Variants in BNC2 observed in about 807,000 individuals in gnomAD.
The protein encoded by BNC2 is basonuclin zinc finger protein 2, also known as zinc finger protein basonuclin-2.
Under a neutral mutation model 76.3 loss-of-function variants are expected in BNC2, and 20 were observed. The observed-to-expected ratio is 0.26, with a 90% CI of 0.18 to 0.38. BNC2 has a LOEUF of 0.38. Ranked by LOEUF, BNC2 falls within the 10% of genes least tolerant of loss-of-function variation. The pLI, the probability that BNC2 is intolerant of heterozygous loss-of-function variation, is 1.00. For missense variants in BNC2, 1,382 were observed against 1,399.8 expected (o/e 0.99, Z 0.20); for synonymous variants, 582 against 514.8 (o/e 1.13, Z -1.77).
chr9:16,722,268 C>T (rs1824179521), intron 3 of BNC2, among the ~76,000 whole-genome samples: 1 of 152,162 alleles, frequency 6.6e-6, no homozygotes, highest in Admixed American at 6.5e-5. Context: ...ACTTCTGCCC[C>T]AACTTCTCAG....
chr9:16,636,949 T>C (rs1258817579), intron 3 of BNC2, among the ~76,000 whole-genome samples: 2 of 151,792 alleles, frequency 1.3e-5, no homozygotes, highest in African/African-American at 4.8e-5. Context: ...ATGTATTTTT[T>C]TTTTAAAGCT....
intron 5 of BNC2, among the ~76,000 whole-genome samples, chr9:16,514,425 G>C (rs938907017): frequency 1.3e-5 from 2 of 152,174 alleles, no homozygotes; most frequent in Non-Finnish European, 2.9e-5. Context: ...AGATCAGAAT[G>C]ATGAGCAAAA....
chr9:16,584,189 T>A (rs1025533455), intron 3 of BNC2, among the ~76,000 whole-genome samples: 18 of 152,006 alleles, frequency 1.2e-4, no homozygotes, highest in East Asian at 5.8e-4. Context: ...TTACTGATTC[T>A]GGGGTGGAGG....
chr9:16,433,576 C>A (rs952784422), intron 6 of BNC2, among the ~76,000 whole-genome samples: 1 of 152,184 alleles, frequency 6.6e-6, no homozygotes, highest in African/African-American at 2.4e-5. Context: ...TTCCTGCTAT[C>A]AATAAATGTT....
intron 3 of BNC2, among the ~76,000 whole-genome samples, chr9:16,640,796 G>T (rs1367477416): frequency 1.3e-5 from 2 of 152,068 alleles, no homozygotes; most frequent in Non-Finnish European, 2.9e-5. Flanking sequence ...GTCCAAACTG[G>T]GCATCAGAAC....
chr9:16,796,489 G>A (rs1429133149), intron 1 of BNC2, among the ~76,000 whole-genome samples: 1 of 151,716 alleles, frequency 6.6e-6, no homozygotes, highest in African/African-American at 2.4e-5. Context: ...GGAGAATGGT[G>A]TGAACCCAGG....
intron 4 of BNC2, among the ~76,000 whole-genome samples, chr9:16,573,058 T>A (rs1473883593): frequency 1.3e-5 from 2 of 151,526 alleles, no homozygotes; most frequent in Admixed American, 6.6e-5. Flanking sequence ...CGAAACCCTA[T>A]CTCTACAAAA....
In BNC2 at chr9:16,522,487, G is replaced by A. The variant is rs565938650; in HGVS notation, c.669+30043C>T. ...TGAAGAGATGAAGGTGCTGGCAAGC[G>A]ACTAAAAGGCTGAACTGGCAAAAGG... On this transcript the variant is annotated intron_variant, in intron 5 of 6. Coordinates refer to ENST00000380672, the MANE Select transcript of BNC2 (RefSeq NM_017637.6). 5.3e-5 allele frequency among the ~76,000 whole-genome samples: 8 copies of A among 152,272 alleles called. No homozygotes were observed. In the South Asian group the frequency reaches 1.4e-3, roughly 28 times the overall value.
At chr9:16,574,708 T>A (rs890556589) in intron 4 of BNC2, among the ~76,000 whole-genome samples, 6 of 152,192 alleles carry the variant, frequency 3.9e-5, no homozygotes, top group Non-Finnish European at 7.3e-5. Flanking sequence ...TCATTAATAT[T>A]GATGTTTAAT....
At chr9:16,724,742 C>G (rs1463683730) in intron 3 of BNC2, among the ~76,000 whole-genome samples, 1 of 151,980 alleles carries the variant, frequency 6.6e-6, no homozygotes, top group Non-Finnish European at 1.5e-5. Flanking sequence ...ATTTTTGTAT[C>G]CCTACTTCCT....
chr9:16,601,983 A>G (rs1048727582), intron 3 of BNC2, among the ~76,000 whole-genome samples: 4 of 152,210 alleles, frequency 2.6e-5, no homozygotes, highest in African/African-American at 4.8e-5. Flanking sequence ...CATAATCGTC[A>G]AAGTATGGAG....
At chr9:16,742,808 C>T (rs1450329894) in intron 1 of BNC2, among the ~76,000 whole-genome samples, 1 of 152,182 alleles carries the variant, frequency 6.6e-6, no homozygotes, top group African/African-American at 2.4e-5. Flanking sequence ...ATCCATCAGA[C>T]TAATAAATTA....
intron 3 of BNC2, among the ~76,000 whole-genome samples, chr9:16,594,565 A>G (rs1387611515): frequency 6.6e-6 from 1 of 152,176 alleles, no homozygotes; most frequent in African/African-American, 2.4e-5. Flanking sequence ...AGGGGAGAAA[A>G]GTTGTTACGT....
intron 3 of BNC2, among the ~76,000 whole-genome samples, chr9:16,623,592 G>A (rs1820919660): frequency 6.6e-6 from 1 of 152,112 alleles, no homozygotes; most frequent in African/African-American, 2.4e-5. Context: ...ATGATGTGTA[G>A]CTGATTTTAA....
rs183695971 is a variant in BNC2 at position 16,736,824 on chromosome 9, G to T, written c.129+1536C>A. ...TGGATAATGGATACACTTTTGGCCT[G>T]CCTAGCTCTTTCACTCTTGTTGTGC... On this transcript the variant is annotated intron_variant, in intron 2 of 6. Coordinates refer to ENST00000380672, the MANE Select transcript of BNC2 (RefSeq NM_017637.6). 1.6e-3 allele frequency among the ~76,000 whole-genome samples: 236 copies of T among 149,220 alleles called. 2 individuals are homozygous for T. Among genetic ancestry groups the T allele is most frequent in the African/African-American group, 5.5e-3 (222 of 40,416 alleles).
At chr9:16,569,791 G>T (rs2132823249) in intron 4 of BNC2, among the ~76,000 whole-genome samples, 1 of 152,298 alleles carries the variant, frequency 6.6e-6, no homozygotes, top group Admixed American at 6.5e-5. Context: ...TCTAAGAAGA[G>T]ATTTAGTAAC....
rs1413025501 is a variant in BNC2, at chr9:16,422,716, C to T, written c.2640-3067G>A. Among the ~76,000 whole-genome samples, 9 of 152,042 alleles carry T rather than the reference C, an allele frequency of 5.9e-5. No homozygotes were observed. The South Asian group carries it at 1.5e-3, about 25-fold the overall frequency. ...TCCTAAGGTGGAAGGAAGGAAAGCA[C>T]GAGAAGGAAAGCAGACTAAAATTCT... is the stretch of plus-strand genomic sequence containing the variant. On this transcript the variant is annotated intron_variant, in intron 6 of 6. Transcript: ENST00000380672.
intron 4 of BNC2, among the ~76,000 whole-genome samples, chr9:16,558,147 C>A (rs980285339): frequency 2.6e-5 from 4 of 152,192 alleles, no homozygotes; most frequent in Admixed American, 2.6e-4. Flanking sequence ...CATACTCAGA[C>A]AATACCAGTA....
chr9:16,467,146 C>G (rs1821710853), intron 5 of BNC2, among the ~76,000 whole-genome samples: 1 of 21,710 alleles, frequency 4.6e-5, no homozygotes, highest in Admixed American at 5.0e-4. Context: ...CATCTCACAC[C>G]AGTTAGAATG....
Sources: gnomAD v4.1 joint callset for allele counts (sites outside exome capture counted in the v4.1 genomes callset) on GRCh38, gnomAD v4.1.1 for gene constraint, MANE v1.5 for transcripts, NCBI Gene and HGNC (gene_info 2026-07-23, HGNC 2026-07-21) for gene names.